The following EML4 variants were observed in gnomAD, a reference collection of about 807,000 sequenced individuals.
EML4 encodes echinoderm microtubule-associated protein-like 4.
Under a neutral mutation model 129.0 loss-of-function variants are expected in EML4, and 72 were observed. That is an observed-to-expected ratio of 0.56 (90% CI 0.46 to 0.68). The LOEUF (loss-of-function observed/expected upper bound fraction) is 0.68, where lower values mean the gene tolerates loss of function less well. EML4 is among the 30% of genes least tolerant of loss of function. The pLI, the probability that EML4 is intolerant of heterozygous loss-of-function variation, is 0.00. For synonymous variants in EML4, 532 were observed against 405.0 expected, an observed-to-expected ratio of 1.31 and a Z score of -3.77; for missense variants, 1,363 against 1,190.6, an observed-to-expected ratio of 1.14 and a Z score of -2.13.
At chr2:42,295,847 G>A (rs949157467) in intron 13 of EML4, among the ~76,000 whole-genome samples, 1 of 152,188 alleles carries the variant, frequency 6.6e-6, no homozygotes, top group African/African-American at 2.4e-5. Flanking sequence ...TGTTAGAGCA[G>A]AATGCATGGC....
chr2:42,273,760 C>G (rs1666503429), intron 6 of EML4, among the ~76,000 whole-genome samples: 1 of 152,098 alleles, frequency 6.6e-6, no homozygotes, highest in Non-Finnish European at 1.5e-5. Context: ...TTTTTTAAAT[C>G]TGTGAAATAA....
chr2:42,189,879 A>G (rs1423093473), intron 1 of EML4, among the ~76,000 whole-genome samples: 1 of 152,184 alleles, frequency 6.6e-6, no homozygotes, highest in Non-Finnish European at 1.5e-5. Context: ...ATTTAATTAT[A>G]TAGCTATATG....
In EML4 at chr2:42,264,426, A is replaced by T. The variant is rs562920232; in HGVS notation, c.642-280A>T. 5.3e-5 allele frequency among the ~76,000 whole-genome samples: 8 copies of T among 152,248 alleles called. No homozygotes were observed. The South Asian group carries it at 6.2e-4, about 12-fold the overall frequency. ...AGCCACTGTGCCCAGCCAAATAATA[A>T]ATCTTAATAATCATATAAGATTTGA... On this transcript the variant is annotated intron_variant, in intron 5 of 22. Transcript: ENST00000318522.
intron 21 of EML4, 79 bp downstream of exon 21, chr2:42,326,331 T>G (rs1669810679): frequency 1.1e-6 from 1 of 937,114 alleles, no homozygotes; most frequent in Non-Finnish European, 1.6e-6. Flanking sequence ...AATTTATAAA[T>G]GAAAAATAGT....
rs869297928 is a variant in EML4, at chr2:42,277,570, C to CTT, written c.668-3264_668-3263dup. On this transcript the variant is annotated intron_variant, in intron 6 of 22. Coordinates refer to ENST00000318522, the MANE Select transcript of EML4 (RefSeq NM_019063.5). ...ACTTCTCACCCATAACAAGCACAAC[C>CTT]TTTTTTTTTTTTTTTTTGAGACGGA... 4.5e-3 allele frequency among the ~76,000 whole-genome samples: 610 copies of CTT among 136,584 alleles called. 7 individuals carry two copies. Among genetic ancestry groups the CTT allele is most frequent in the African/African-American group, 8.8e-3 (323 of 36,558 alleles). The allele number at this position is 136,584 out of a possible 152,430, so 89.6% of individuals were successfully genotyped here. A position where few individuals can be genotyped will look rare whatever the true frequency, so the allele number is the denominator to read the frequency against.
chr2:42,310,323 C>G (rs1036348417), intron 17 of EML4, among the ~76,000 whole-genome samples: 1 of 151,262 alleles, frequency 6.6e-6, no homozygotes, highest in African/African-American at 2.4e-5. Context: ...CTTTCCCTTT[C>G]CCTTCCCCTT....
At position 42,203,058 on chromosome 2, in the gene EML4, A is replaced by G. The variant is rs532186626; in HGVS notation, c.25+33422A>G. Reference sequence around the variant, plus strand: ...AATAATAAGAAGAAGAATATATTACATATTTCAAAATAGAATAGAATAGTG... The same window carrying G: ...AATAATAAGAAGAAGAATATATTACGTATTTCAAAATAGAATAGAATAGTG... On this transcript the variant is annotated intron_variant, in intron 1 of 22. Coordinates refer to ENST00000318522, the MANE Select transcript of EML4 (RefSeq NM_019063.5). Among the ~76,000 whole-genome samples the G allele has an allele frequency of 4.2e-4, 64 of 152,272 alleles. 1 individual carries two copies. The highest frequency in any genetic ancestry group is 3.4e-3 in the Middle Eastern group (1 of 294).
At chr2:42,214,052 T>C (rs1421685862) in intron 1 of EML4, among the ~76,000 whole-genome samples, 3 of 152,126 alleles carry the variant, frequency 2.0e-5, no homozygotes, top group Non-Finnish European at 2.9e-5. Context: ...TGTTTTGTGA[T>C]CCCCCAATTT....
intron 14 of EML4, 50 bp downstream of exon 14, chr2:42,301,442 A>G (rs1323644213): frequency 2.9e-6 from 4 of 1,399,526 alleles, no homozygotes; most frequent in South Asian, 1.4e-5. Context: ...AAACTCAGGT[A>G]TTTTGTCCCA....
chr2:42,174,723 A>T (rs895640602), intron 1 of EML4, among the ~76,000 whole-genome samples: 4 of 152,242 alleles, frequency 2.6e-5, no homozygotes, highest in African/African-American at 9.6e-5. Context: ...TTTACAGTTT[A>T]CAAAGAGCTT....
chr2:42,317,039 G>A (rs923913856), intron 18 of EML4, among the ~76,000 whole-genome samples: 1 of 152,174 alleles, frequency 6.6e-6, no homozygotes, highest in Non-Finnish European at 1.5e-5. Context: ...CACCACAAAA[G>A]AAAGGAATAT....
intron 3 of EML4, among the ~76,000 whole-genome samples, chr2:42,256,935 T>C (rs1381259353): frequency 2.0e-5 from 3 of 152,226 alleles, no homozygotes; most frequent in Non-Finnish European, 4.4e-5. Context: ...TTTAAAGAAA[T>C]TATATAACTG....
At position 42,305,742 on chromosome 2, in the gene EML4, A is replaced by G. The variant is rs569687554; in HGVS notation, c.1967+1191A>G. ...AGTCAATTTTCCCAAAATTAAACTC[A>G]TTAAAAAATGTGGAATGCTGATTTT... is the stretch of plus-strand genomic sequence containing the variant. On this transcript the variant is annotated intron_variant, in intron 17 of 22. Coordinates refer to ENST00000318522, the MANE Select transcript of EML4 (RefSeq NM_019063.5). Among the ~76,000 whole-genome samples, 71 of 152,354 alleles carry G rather than the reference A, an allele frequency of 4.7e-4. 1 individual carries two copies. Among genetic ancestry groups the G allele is most frequent in the African/African-American group, 1.6e-3 (67 of 41,590 alleles).
chr2:42,183,364 T>A, intron 1 of EML4, among the ~76,000 whole-genome samples: 1 of 152,192 alleles, frequency 6.6e-6, no homozygotes, highest in South Asian at 2.1e-4. Flanking sequence ...GGCTTCTGTG[T>A]AAACAATTGA....
chr2:42,226,829 C>T (rs1032595303), intron 1 of EML4, among the ~76,000 whole-genome samples: 1 of 151,950 alleles, frequency 6.6e-6, no homozygotes, highest in Admixed American at 6.6e-5. Context: ...ATCACAGTAT[C>T]ATGTTATACA....
chr2:42,286,591 A>T (rs555370712), intron 10 of EML4, among the ~76,000 whole-genome samples: 16 of 152,328 alleles, frequency 1.1e-4, no homozygotes, highest in African/African-American at 2.6e-4. Flanking sequence ...AAGATATTTT[A>T]CTTTAATTAT....
intron 1 of EML4, among the ~76,000 whole-genome samples, chr2:42,182,153 T>C (rs1484515327): frequency 7.8e-6 from 1 of 128,440 alleles, no homozygotes; most frequent in Non-Finnish European, 1.7e-5. Flanking sequence ...TGTAGAAAAA[T>C]TCTTCTTTTT....
intron 1 of EML4, among the ~76,000 whole-genome samples, chr2:42,190,403 G>A (rs1671517291): frequency 6.6e-6 from 1 of 152,118 alleles, no homozygotes; most frequent in South Asian, 2.1e-4. Context: ...ATTTTGAGGG[G>A]CCTATGGATG....
intron 6 of EML4, among the ~76,000 whole-genome samples, chr2:42,279,781 TTTA>T (rs550761104): frequency 4.2e-4 from 64 of 151,270 alleles, no homozygotes; most frequent in Non-Finnish European, 8.3e-4. Context: ...GCTGTCTTTT[TTTA>T]TTATTATTAT....
Sources: allele counts gnomAD v4.1 joint callset (sites outside exome capture counted in the v4.1 genomes callset), GRCh38; gene constraint gnomAD v4.1.1; transcripts MANE v1.5; gene names NCBI Gene and HGNC (gene_info 2026-07-23, HGNC 2026-07-21).